The following GABRB2 variants were observed in gnomAD, a reference collection of about 807,000 sequenced individuals.
The protein encoded by GABRB2 is gamma-aminobutyric acid type A receptor subunit beta2, also known as gamma-aminobutyric acid receptor subunit beta-2.
In GABRB2, 16 loss-of-function variants were observed where a neutral mutation model predicts 54.7. The ratio of observed to expected loss-of-function variants is 0.29; its 90% CI spans 0.20 to 0.44. GABRB2 has a LOEUF of 0.44. Among genes scored for constraint, GABRB2 ranks in the 20% least tolerant of loss-of-function variants. The pLI, the probability that GABRB2 is intolerant of heterozygous loss-of-function variation, is 1.00. For synonymous variants in GABRB2, 244 were observed against 233.8 expected, an observed-to-expected ratio of 1.04 and a Z score of -0.40; for missense variants, 355 against 644.0, an observed-to-expected ratio of 0.55 and a Z score of 4.86.
intron 4 of GABRB2, 109 bp downstream of exon 4, chr5:161,459,515 T>C: frequency 1.1e-6 from 1 of 926,416 alleles, no homozygotes; most frequent in East Asian, 2.6e-5. Context: ...TAACTGTTTC[T>C]TAGTAGAATT....
chr5:161,346,554 T>G (rs1484463610), intron 5 of GABRB2, among the ~76,000 whole-genome samples: 1 of 152,128 alleles, frequency 6.6e-6, no homozygotes, highest in African/African-American at 2.4e-5. Context: ...CTAGTCTGGG[T>G]CTCTCCATCT....
intron 5 of GABRB2, among the ~76,000 whole-genome samples, chr5:161,403,487 T>A (rs1280279415): frequency 6.6e-6 from 1 of 152,148 alleles, no homozygotes; most frequent in Non-Finnish European, 1.5e-5. Context: ...AGACTTGATC[T>A]GGTCAAATTA....
intron 5 of GABRB2, among the ~76,000 whole-genome samples, chr5:161,340,047 C>G (rs546314760): frequency 7.9e-5 from 12 of 152,074 alleles, no homozygotes; most frequent in African/African-American, 2.9e-4. Flanking sequence ...TAGGTCTAAA[C>G]TAATAGAGTA....
intron 9 of GABRB2, among the ~76,000 whole-genome samples, chr5:161,296,426 G>T (rs1320935596): frequency 6.6e-6 from 1 of 152,164 alleles, no homozygotes. Context: ...AATAAGAAGA[G>T]TTATGAGTTG....
At chr5:161,443,714 C>A (rs763954827) in intron 4 of GABRB2, among the ~76,000 whole-genome samples, 5 of 152,182 alleles carry the variant, frequency 3.3e-5, no homozygotes, top group Non-Finnish European at 5.9e-5. Flanking sequence ...CTCTGCCCAG[C>A]CCCTGGCCAC....
intron 2 of GABRB2, 75 bp from the exon 3 acceptor site, chr5:161,545,369 A>G: frequency 8.8e-7 from 1 of 1,129,944 alleles, no homozygotes; most frequent in Non-Finnish European, 1.2e-6. Flanking sequence ...CCCTGAGCAT[A>G]AGACACTCTG....
chr5:161,303,692 T>C (rs1757602551), intron 9 of GABRB2, among the ~76,000 whole-genome samples: 1 of 152,164 alleles, frequency 6.6e-6, no homozygotes, highest in African/African-American at 2.4e-5. Flanking sequence ...TTCGAAAGCA[T>C]GAGCTGCCAA....
chr5:161,361,521 T>C (rs1754810445), intron 5 of GABRB2, among the ~76,000 whole-genome samples: 1 of 152,094 alleles, frequency 6.6e-6, no homozygotes, highest in African/African-American at 2.4e-5. Context: ...TCATGAGAGT[T>C]CAGTACACTA....
chr5:161,395,744 G>T (rs1156299914), intron 5 of GABRB2, among the ~76,000 whole-genome samples: 2 of 152,002 alleles, frequency 1.3e-5, no homozygotes, highest in East Asian at 3.9e-4. Flanking sequence ...AAATCCTTGA[G>T]GCTATTCAAG....
At chr5:161,399,301 A>G (rs746452784) in intron 5 of GABRB2, among the ~76,000 whole-genome samples, 7 of 152,098 alleles carry the variant, frequency 4.6e-5, no homozygotes, top group African/African-American at 1.7e-4. Context: ...TCTGCTTGAT[A>G]CTGGGTCCTG....
At position 161,294,244 on chromosome 5, in the gene GABRB2, T is replaced by G. The variant is rs761178093; in HGVS notation, c.1376A>C (p.His459Pro). ...HSFGRNALER[H>P]VAQKKSRLRR... Reference sequence around the variant, plus strand: ...CAGGCGACTTTTCTTTTGCGCCACATGTCGTTCCAGAGCATTTCGGCCAAA... The same window carrying G: ...CAGGCGACTTTTCTTTTGCGCCACAGGTCGTTCCAGAGCATTTCGGCCAAA... The change falls in exon 10 of 10, where the codon CAT becomes CCT. Residue 459 changes from histidine to proline, a missense_variant. Coordinates refer to ENST00000393959, the MANE Select transcript of GABRB2 (RefSeq NM_001371727.1). The G allele has an allele frequency of 1.2e-6, 2 of 1,614,062 alleles. No homozygotes were observed. The highest frequency in any genetic ancestry group is 1.7e-6 in the Non-Finnish European group (2 of 1,180,024).
In GABRB2 at chr5:161,404,025, T is replaced by C. The variant is rs17059426; in HGVS notation, c.541+6950A>G. ...ATATTCAATATTAAGACATATCCTT[T>C]ATACCCAAGTCACTAGTTTACTTTC... On this transcript the variant is annotated intron_variant, in intron 5 of 9. Coordinates refer to ENST00000393959, the MANE Select transcript of GABRB2 (RefSeq NM_001371727.1). Among the ~76,000 whole-genome samples, 886 of 152,296 alleles carry C rather than the reference T, an allele frequency of 5.8e-3. 38 individuals are homozygous for C. In the East Asian group the frequency reaches 0.1, roughly 18 times the overall value.
chr5:161,452,590 C>T (rs138271416), intron 4 of GABRB2, among the ~76,000 whole-genome samples: 1 of 152,246 alleles, frequency 6.6e-6, no homozygotes, highest in African/African-American at 2.4e-5. Context: ...ATTCTGCTTT[C>T]TATTTAATAT....
intron 3 of GABRB2, among the ~76,000 whole-genome samples, chr5:161,516,506 G>A (rs1759953427): frequency 6.6e-6 from 1 of 152,100 alleles, no homozygotes; most frequent in African/African-American, 2.4e-5. Context: ...GTTAAGAAAG[G>A]CAATGAAACT....
At chr5:161,339,996 A>G (rs1184921948) in intron 5 of GABRB2, among the ~76,000 whole-genome samples, 1 of 152,066 alleles carries the variant, frequency 6.6e-6, no homozygotes, top group Non-Finnish European at 1.5e-5. Flanking sequence ...CTTCCAAAGA[A>G]GAGAAAAGAA....
chr5:161,545,850 GA>G (rs1406896646), intron 2 of GABRB2, among the ~76,000 whole-genome samples: 10 of 152,034 alleles, frequency 6.6e-5, no homozygotes, highest in Non-Finnish European at 5.9e-5. Context: ...GGGAGGAGTG[GA>G]TTATATCCAG....
At chr5:161,348,987 C>A (rs1448820665) in intron 5 of GABRB2, among the ~76,000 whole-genome samples, 3 of 151,964 alleles carry the variant, frequency 2.0e-5, no homozygotes, top group Non-Finnish European at 4.4e-5. Flanking sequence ...AAGTGAATTG[C>A]CAACTCTCTT....
At chr5:161,521,284 T>C (rs1187363220) in intron 3 of GABRB2, among the ~76,000 whole-genome samples, 2 of 151,966 alleles carry the variant, frequency 1.3e-5, no homozygotes, top group Non-Finnish European at 2.9e-5. Context: ...TTCCTATCTT[T>C]ATTTTTTGTT....
chr5:161,420,514 G>C (rs1240065603), intron 4 of GABRB2, among the ~76,000 whole-genome samples: 2 of 152,200 alleles, frequency 1.3e-5, no homozygotes, highest in East Asian at 3.9e-4. Context: ...GGGGAGTAGA[G>C]CAGGAGTCTG....
Sources: gnomAD v4.1 joint callset for allele counts (sites outside exome capture counted in the v4.1 genomes callset) on GRCh38, gnomAD v4.1.1 for gene constraint, MANE v1.5 for transcripts, NCBI Gene and HGNC (gene_info 2026-07-23, HGNC 2026-07-21) for gene names.